Variants in FER observed in about 807,000 individuals in gnomAD.
The protein encoded by FER is tyrosine-protein kinase Fer.
Under a neutral mutation model 111.0 loss-of-function variants are expected in FER, and 63 were observed. The observed-to-expected ratio is 0.57, with a 90% CI of 0.46 to 0.70. The LOEUF is 0.70. FER is among the 30% of genes least tolerant of loss of function. The pLI is 0.00. For missense variants in FER, 914 were observed against 954.0 expected (o/e 0.96, Z 0.55); for synonymous variants, 327 against 313.9 (o/e 1.04, Z -0.44).
At position 109,052,264 on chromosome 5, in the gene FER, C is replaced by T; in HGVS notation, c.1924+5066C>T. 13 of 1,606,186 alleles carry T rather than the reference C, an allele frequency of 8.1e-6. No individual in the cohort carries two copies. The South Asian group carries it at 1.3e-4, about 16-fold the overall frequency. ...AGAGATTGGGAAAGACTTGTCATAG[C>T]AGACATTTTCACAACCAGGTTGCTG... On this transcript the variant is annotated intron_variant, in intron 16 of 19. Transcript: ENST00000281092.
rs1759184028 is a variant in FER, at chr5:109,189,133, A to G, written c.*1558A>G. ...GTCTCATGTGAATAAAATGTAACTCACTCACTCAGTTAAAACTAGGATTCT... is the reference window on the plus strand; with the variant it reads ...GTCTCATGTGAATAAAATGTAACTCGCTCACTCAGTTAAAACTAGGATTCT... On this transcript the variant is annotated 3_prime_UTR_variant, in exon 20 of 20. Transcript: ENST00000281092. 6.6e-6 allele frequency: 1 copy of G among 152,142 alleles called. No homozygotes were observed. Among genetic ancestry groups the G allele is most frequent in the South Asian group, 2.1e-4 (1 of 4,824 alleles). 9.4% of individuals were successfully genotyped at this position (152,142 alleles called of 1,614,324 possible). A position where few individuals can be genotyped will look rare whatever the true frequency, so the allele number is the denominator to read the frequency against.
At chr5:108,797,468 G>T (rs1057001463) in intron 2 of FER, among the ~76,000 whole-genome samples, 1 of 152,134 alleles carries the variant, frequency 6.6e-6, no homozygotes, top group Non-Finnish European at 1.5e-5. Flanking sequence ...CCCTTCCTGG[G>T]TGGGCATTGG....
intron 16 of FER, among the ~76,000 whole-genome samples, chr5:109,093,392 A>G (rs1426738648): frequency 6.6e-6 from 1 of 152,134 alleles, no homozygotes; most frequent in African/African-American, 2.4e-5. Flanking sequence ...CTGTAATCTG[A>G]TAGAAGTAGT....
chr5:108,953,162 TAGTATC>T (rs1389379336), intron 11 of FER, among the ~76,000 whole-genome samples: 1 of 151,968 alleles, frequency 6.6e-6, no homozygotes, highest in Non-Finnish European at 1.5e-5. Flanking sequence ...TGTAAATTAT[TAGTATC>T]AGTATATACA....
intron 5 of FER, among the ~76,000 whole-genome samples, chr5:108,864,986 A>G (rs1362010125): frequency 6.6e-6 from 1 of 152,122 alleles, no homozygotes; most frequent in Non-Finnish European, 1.5e-5. Context: ...CTTCCTACCC[A>G]TGAGCATGGA....
intron 4 of FER, 148 bp from the exon 5 acceptor site, chr5:108,835,560 G>A: frequency 2.3e-6 from 1 of 443,710 alleles, no homozygotes; most frequent in South Asian, 3.6e-5. Flanking sequence ...AAACATACTT[G>A]TAGTTTATTT....
At position 109,064,204 on chromosome 5, in the gene FER, G is replaced by T. The variant is rs534863754; in HGVS notation, c.1924+17006G>T. ...AAGTCAGTAATATCCTTGTAAATTG[G>T]AGTTACTTTATTTAATTTACATGTG... On this transcript the variant is annotated intron_variant, in intron 16 of 19. Transcript: ENST00000281092. Among the ~76,000 whole-genome samples, 4 of 152,196 alleles carry T rather than the reference G, an allele frequency of 2.6e-5. No individual in the cohort carries two copies. The South Asian group carries it at 8.3e-4, about 32-fold the overall frequency.
intron 3 of FER, among the ~76,000 whole-genome samples, chr5:108,810,239 A>G (rs964510971): frequency 6.6e-6 from 1 of 152,142 alleles, no homozygotes; most frequent in East Asian, 1.9e-4. Context: ...TTCTTTATAT[A>G]TAAGCCAGTA....
chr5:108,870,470 T>A (rs182329263), intron 6 of FER, among the ~76,000 whole-genome samples: 6 of 152,272 alleles, frequency 3.9e-5, no homozygotes, highest in African/African-American at 1.4e-4. Flanking sequence ...CCCTTTTCTT[T>A]AAATTGTGTC....
chr5:108,764,123 C>T (rs997200590), intron 1 of FER, among the ~76,000 whole-genome samples: 3 of 152,064 alleles, frequency 2.0e-5, no homozygotes, highest in African/African-American at 7.2e-5. Flanking sequence ...TGATCAATGC[C>T]ACCCAAACCG....
chr5:109,182,963 T>C (rs1758436949), intron 18 of FER, among the ~76,000 whole-genome samples: 1 of 152,120 alleles, frequency 6.6e-6, no homozygotes, highest in African/African-American at 2.4e-5. Flanking sequence ...CACCTCATCC[T>C]CCAGAGTAGC....
intron 9 of FER, among the ~76,000 whole-genome samples, chr5:108,891,833 G>C (rs1225511921): frequency 4.0e-5 from 6 of 151,794 alleles, no homozygotes; most frequent in Non-Finnish European, 8.8e-5. Flanking sequence ...CGCAACAACA[G>C]GCCCCGGTGT....
At chr5:109,092,284 CAAAAAAAAAAA>C (rs70999914) in intron 16 of FER, among the ~76,000 whole-genome samples, 147 of 40,436 alleles carry the variant, frequency 3.6e-3, no homozygotes, top group African/African-American at 0.011. Flanking sequence ...CTTATGATGG[CAAAAAAAAAAA>C]AAAAAAAAAA....
chr5:109,157,424 T>G (rs1755519200), intron 17 of FER, among the ~76,000 whole-genome samples: 1 of 152,148 alleles, frequency 6.6e-6, no homozygotes. Flanking sequence ...TGGACTGTCA[T>G]TTTTGTAAAC....
Position 108,847,141 on chromosome 5 carries a change from A to G in FER, c.481+11334A>G, listed in dbSNP as rs374076328. Among the ~76,000 whole-genome samples the G allele has an allele frequency of 8.4e-4, 126 of 149,938 alleles. 4 individuals are homozygous for G. In the South Asian group the frequency reaches 0.025, roughly 30 times the overall value. On this transcript the variant is annotated intron_variant, in intron 5 of 19. Transcript: ENST00000281092. ...TTCAAATGCAAGCATTTGGTACTCT[A>G]AAGTTCCTTAAATACTTTTTTTTTT...
At chr5:108,951,380 C>A (rs1757721602) in intron 11 of FER, among the ~76,000 whole-genome samples, 1 of 152,146 alleles carries the variant, frequency 6.6e-6, no homozygotes, top group Admixed American at 6.6e-5. Context: ...AGTGCTGTTA[C>A]AGGATACAGC....
chr5:109,183,052 T>C (rs78023176), intron 18 of FER, among the ~76,000 whole-genome samples: 3,606 of 152,158 alleles, frequency 0.024, 70 homozygotes, highest in East Asian at 0.075. Flanking sequence ...TAGTAGACTT[T>C]AGTAAATTTT....
At chr5:108,867,210 CTAA>C (rs1764154492) in intron 5 of FER, among the ~76,000 whole-genome samples, 1 of 151,840 alleles carries the variant, frequency 6.6e-6, no homozygotes, top group African/African-American at 2.4e-5. Context: ...TAGCGTTCAG[CTAA>C]TAATATTCAT....
At position 108,918,344 on chromosome 5, in the gene FER, A is replaced by G. The variant is rs138574473; in HGVS notation, c.1236+20496A>G. Among the ~76,000 whole-genome samples, 165 of 152,314 alleles carry G rather than the reference A, an allele frequency of 1.1e-3. 1 individual carries two copies. The highest frequency in any genetic ancestry group is 3.8e-3 in the African/African-American group (158 of 41,568). On this transcript the variant is annotated intron_variant, in intron 10 of 19. Coordinates refer to ENST00000281092, the MANE Select transcript of FER (RefSeq NM_005246.4). ...GACTCATAAGACCATCTCTTGCAGAATCTAGAATCCATCAGTGAAAGTGGA... is the reference window on the plus strand; with the variant it reads ...GACTCATAAGACCATCTCTTGCAGAGTCTAGAATCCATCAGTGAAAGTGGA...
Sources: gnomAD v4.1 joint callset for allele counts (sites outside exome capture counted in the v4.1 genomes callset) on GRCh38, gnomAD v4.1.1 for gene constraint, MANE v1.5 for transcripts, NCBI Gene and HGNC (gene_info 2026-07-23, HGNC 2026-07-21) for gene names.